Variants in DENND2A observed in about 807,000 individuals in gnomAD.
DENND2A encodes the protein DENN domain containing 2A.
A neutral mutation model predicts 105.3 loss-of-function variants in DENND2A; 53 were observed. The ratio of observed to expected loss-of-function variants is 0.50; its 90% CI spans 0.40 to 0.63. The LOEUF is 0.63. Ranked by LOEUF, DENND2A falls within the 30% of genes least tolerant of loss-of-function variation. DENND2A has a pLI of 0.00. For missense variants in DENND2A, 1,138 were observed against 1,279.6 expected, an observed-to-expected ratio of 0.89 and a Z score of 1.69; for synonymous variants, 522 against 508.4, an observed-to-expected ratio of 1.03 and a Z score of -0.36.
At chr7:140,579,752 A>G (rs370104601) in intron 5 of DENND2A, among the ~76,000 whole-genome samples, 3 of 152,274 alleles carry the variant, frequency 2.0e-5, no homozygotes, top group East Asian at 3.9e-4. Context: ...GAGGAAATAA[A>G]CCAAAGTGTT....
intron 1 of DENND2A, among the ~76,000 whole-genome samples, chr7:140,626,257 C>T (rs920054735): frequency 1.3e-5 from 2 of 152,224 alleles, no homozygotes; most frequent in South Asian, 4.1e-4. Context: ...CCGTCCCCTG[C>T]ACACCATGCA....
intron 11 of DENND2A, among the ~76,000 whole-genome samples, chr7:140,556,495 C>T (rs772384325): frequency 3.3e-5 from 5 of 151,902 alleles, no homozygotes; most frequent in South Asian, 2.1e-4. Context: ...TGTGCCACCA[C>T]GCCCAGCTAT....
chr7:140,534,671 C>T (rs1342330359), intron 14 of DENND2A, among the ~76,000 whole-genome samples: 2 of 152,108 alleles, frequency 1.3e-5, no homozygotes, highest in East Asian at 3.9e-4. Flanking sequence ...TCTGGGGATG[C>T]TAGGGATGAC....
chr7:140,546,710 C>T (rs1469778210), intron 13 of DENND2A, 89 bp downstream of exon 13: 4 of 1,524,274 alleles, frequency 2.6e-6, no homozygotes, highest in Non-Finnish European at 3.6e-6. Flanking sequence ...AATTGGACTG[C>T]TCACTGAAAG....
At chr7:140,549,512 C>A (rs1797032810) in intron 12 of DENND2A, among the ~76,000 whole-genome samples, 1 of 152,144 alleles carries the variant, frequency 6.6e-6, no homozygotes, top group African/African-American at 2.4e-5. Context: ...CTCGGCCTCC[C>A]AAAGTGCTAG....
At chr7:140,592,813 G>A (rs567610796) in intron 3 of DENND2A, among the ~76,000 whole-genome samples, 25 of 151,106 alleles carry the variant, frequency 1.7e-4, no homozygotes, top group South Asian at 4.2e-4. Context: ...ATGTTGGCCA[G>A]GCTGGTCTTG....
intron 5 of DENND2A, among the ~76,000 whole-genome samples, chr7:140,579,707 C>T (rs758987565): frequency 3.9e-5 from 6 of 152,154 alleles, no homozygotes; most frequent in South Asian, 2.1e-4. Context: ...AACACATGGA[C>T]GCACACCACA....
chr7:140,616,221 G>A (rs1353669682), intron 1 of DENND2A, among the ~76,000 whole-genome samples: 2 of 152,264 alleles, frequency 1.3e-5, no homozygotes, highest in Middle Eastern at 3.4e-3. Flanking sequence ...ATAAAAATTA[G>A]CCAGGTGTGG....
chr7:140,558,269 A>ATC, intron 10 of DENND2A, 57 bp from the exon 11 acceptor site: 2 of 1,417,260 alleles, frequency 1.4e-6, no homozygotes, highest in South Asian at 2.4e-5. Context: ...AAGACACCTC[A>ATC]TCACTCTGCA....
rs200641006 is a variant in DENND2A, at chr7:140,587,632, A to G, written c.1123+21T>C. 6.4e-5 allele frequency: 104 copies of G among 1,612,810 alleles called. No homozygotes were observed. The Admixed American group carries it at 9.8e-4, about 15-fold the overall frequency. On this transcript the variant is annotated intron_variant, in intron 4 of 19. Coordinates refer to ENST00000496613, the MANE Select transcript of DENND2A (RefSeq NM_015689.5). ...CTCCCAGACAGACTCAGATCCGCACACAGACGCTGTGGCTTCTTACCTAGA... is the reference window on the plus strand; with the variant it reads ...CTCCCAGACAGACTCAGATCCGCACGCAGACGCTGTGGCTTCTTACCTAGA...
intron 2 of DENND2A, 106 bp from the exon 3 acceptor site, chr7:140,602,648 A>C: frequency 2.9e-6 from 1 of 339,692 alleles, no homozygotes. Context: ...GTCACAAACC[A>C]CAAACATTGA....
intron 1 of DENND2A, among the ~76,000 whole-genome samples, chr7:140,615,948 A>G (rs1447213997): frequency 6.6e-6 from 1 of 152,212 alleles, no homozygotes; most frequent in Non-Finnish European, 1.5e-5. Context: ...ATTCAGCCAT[A>G]AAAAGGAATG....
At chr7:140,570,601 C>T (rs1015353305) in intron 6 of DENND2A, among the ~76,000 whole-genome samples, 2 of 152,168 alleles carry the variant, frequency 1.3e-5, no homozygotes, top group Admixed American at 6.5e-5. Context: ...CAGAGGGACA[C>T]GCTCCCCAGA....
intron 3 of DENND2A, among the ~76,000 whole-genome samples, chr7:140,595,662 C>T (rs912866980): frequency 1.3e-5 from 2 of 151,916 alleles, no homozygotes; most frequent in Non-Finnish European, 2.9e-5. Flanking sequence ...GCAACTACTC[C>T]GGAGGCGGAG....
chr7:140,635,160 G>A (rs1201963412), intron 1 of DENND2A, among the ~76,000 whole-genome samples: 2 of 151,950 alleles, frequency 1.3e-5, no homozygotes, highest in African/African-American at 4.8e-5. Flanking sequence ...CTACTCAAGA[G>A]GCTGAGGCAG....
Position 140,546,834 on chromosome 7 carries a change from G to A in DENND2A, c.2143C>T (p.Leu715Phe), listed in dbSNP as rs1326146458. ...GAACCTGGCAGGAAGTTCTTGACAAGGATGGTTTTGCCCAGGGCTGGGAAA... is the reference window on the plus strand; with the variant it reads ...GAACCTGGCAGGAAGTTCTTGACAAAGATGGTTTTGCCCAGGGCTGGGAAA... The part of the protein sequence containing the change: ...APFPALGKTI[L>F]VKNFLPGSGT... Residue 715 changes from leucine to phenylalanine, a missense_variant, in exon 13 of 20, where the codon CTT (leucine) becomes TTT (phenylalanine). Leu to Phe is a conservative substitution (Grantham distance 22). This residue lies in a region of DENND2A where 627 missense variants were observed against 779.8 expected (regional missense o/e 0.80). Coordinates refer to ENST00000496613, the MANE Select transcript of DENND2A (RefSeq NM_015689.5). The A allele has an allele frequency of 1.9e-6, 3 of 1,614,018 alleles. No individual in the cohort carries two copies. The highest frequency in any genetic ancestry group is 4.5e-5 in the East Asian group (2 of 44,902).
chr7:140,586,712 C>T (rs73736622), intron 4 of DENND2A, among the ~76,000 whole-genome samples: 3,666 of 152,278 alleles, frequency 0.024, 150 homozygotes, highest in African/African-American at 0.084. Flanking sequence ...CTGGGAATCC[C>T]GCTGCTTTGG....
At chr7:140,546,044 C>G (rs960380965) in intron 13 of DENND2A, among the ~76,000 whole-genome samples, 5 of 152,140 alleles carry the variant, frequency 3.3e-5, no homozygotes, top group African/African-American at 1.2e-4. Flanking sequence ...ACTGAAGACT[C>G]AAGGCTAAAT....
intron 11 of DENND2A, among the ~76,000 whole-genome samples, chr7:140,557,531 A>ATATATATATATATATATAT (rs1554467351): frequency 1.3e-4 from 5 of 39,650 alleles, no homozygotes; most frequent in Non-Finnish European, 2.5e-4. Flanking sequence ...ATATATATAT[A>ATATATATATATATATATAT]TTTTTTTTTT....
Sources: gnomAD v4.1 joint callset for allele counts (sites outside exome capture counted in the v4.1 genomes callset) on GRCh38, gnomAD v4.1.1 for gene constraint, gnomAD v4.1.1 regional missense constraint, MANE v1.5 for transcripts, NCBI Gene and HGNC (gene_info 2026-07-23, HGNC 2026-07-21) for gene names.